Variants in OLA1 observed in about 807,000 individuals in gnomAD.
OLA1 encodes the protein Obg like ATPase 1, also known as obg-like ATPase 1.
OLA1 carries 14 observed loss-of-function variants against 48.4 expected under a neutral mutation model. The ratio of observed to expected loss-of-function variants is 0.29; its 90% CI spans 0.19 to 0.45. The LOEUF is 0.45. Ranked by LOEUF, OLA1 falls within the 20% of genes least tolerant of loss-of-function variation. The pLI, the probability that OLA1 is intolerant of heterozygous loss-of-function variation, is 1.00. For missense variants in OLA1, 325 were observed against 467.1 expected (o/e 0.70, Z 2.80); for synonymous variants, 127 against 150.4 (o/e 0.84, Z 1.14).
chr2:174,247,015 G>A, intron 1 of OLA1, 200 bp from the exon 2 acceptor site: 1 of 363,368 alleles, frequency 2.8e-6, no homozygotes, highest in East Asian at 4.4e-5. Context: ...CATATCCGTT[G>A]TCAAAAGAGT....
intron 4 of OLA1, among the ~76,000 whole-genome samples, chr2:174,183,118 T>A (rs1687584250): frequency 1.3e-5 from 2 of 152,008 alleles, no homozygotes; most frequent in Admixed American, 1.3e-4. Context: ...GCAAAAAAAA[T>A]GGTCAATCTT....
intron 4 of OLA1, chr2:174,172,089 G>T: frequency 4.7e-6 from 1 of 213,718 alleles, no homozygotes; most frequent in Middle Eastern, 5.9e-4. Context: ...ATGACACCAA[G>T]TGAGATGTAT....
At chr2:174,235,346 A>C (rs1688823440) in intron 2 of OLA1, among the ~76,000 whole-genome samples, 1 of 152,180 alleles carries the variant, frequency 6.6e-6, no homozygotes. Context: ...ATGAAAGAAC[A>C]GGCATTCTGG....
chr2:174,204,120 G>C (rs974278482), intron 4 of OLA1, among the ~76,000 whole-genome samples: 1 of 150,360 alleles, frequency 6.7e-6, no homozygotes, highest in African/African-American at 2.4e-5. Flanking sequence ...AGCAAATTTA[G>C]TCCAGGCGCA....
chr2:174,188,952 C>G (rs574382477), intron 4 of OLA1, among the ~76,000 whole-genome samples: 2 of 152,006 alleles, frequency 1.3e-5, no homozygotes, highest in African/African-American at 4.8e-5. Flanking sequence ...GAGATATTCA[C>G]CTTATATTAC....
At chr2:174,234,880 G>A (rs1178300253) in intron 2 of OLA1, among the ~76,000 whole-genome samples, 4 of 152,080 alleles carry the variant, frequency 2.6e-5, no homozygotes, top group Admixed American at 1.3e-4. Context: ...AAAACTAGGC[G>A]GGGCATGGTA....
intron 7 of OLA1, among the ~76,000 whole-genome samples, chr2:174,118,074 G>A (rs1685825901): frequency 6.6e-6 from 1 of 152,150 alleles, no homozygotes; most frequent in Non-Finnish European, 1.5e-5. Flanking sequence ...GCCGGAGAAG[G>A]AGGAAGAGAG....
chr2:174,096,221 G>C (rs1001850419), intron 7 of OLA1, among the ~76,000 whole-genome samples: 1 of 152,202 alleles, frequency 6.6e-6, no homozygotes, highest in African/African-American at 2.4e-5. Flanking sequence ...AGCCTCAATA[G>C]GCAAATCCAA....
At chr2:174,226,125 G>A (rs1164989342) in intron 3 of OLA1, among the ~76,000 whole-genome samples, 3 of 45,206 alleles carry the variant, frequency 6.6e-5, no homozygotes, top group Non-Finnish European at 1.4e-4. Context: ...CGTGAACCCG[G>A]GAGGCGGAGC....
At chr2:174,120,726 A>G (rs1232455957) in intron 7 of OLA1, among the ~76,000 whole-genome samples, 1 of 152,162 alleles carries the variant, frequency 6.6e-6, no homozygotes, top group Non-Finnish European at 1.5e-5. Context: ...ATAACACATT[A>G]CCATTTACAT....
chr2:174,204,519 T>C (rs901273281), intron 4 of OLA1, among the ~76,000 whole-genome samples: 1 of 152,140 alleles, frequency 6.6e-6, no homozygotes, highest in Non-Finnish European at 1.5e-5. Flanking sequence ...ATAAATACTT[T>C]GTAAGGAAAA....
intron 4 of OLA1, among the ~76,000 whole-genome samples, chr2:174,200,585 C>T (rs1196584752): frequency 6.6e-6 from 1 of 152,032 alleles, no homozygotes; most frequent in East Asian, 1.9e-4. Flanking sequence ...AAGAGATTCC[C>T]CTGGAACAAC....
At chr2:174,119,693 A>T (rs1685866088) in intron 7 of OLA1, among the ~76,000 whole-genome samples, 2 of 152,144 alleles carry the variant, frequency 1.3e-5, no homozygotes, top group Non-Finnish European at 2.9e-5. Flanking sequence ...GAACACATAA[A>T]GATGGGAAAG....
intron 4 of OLA1, among the ~76,000 whole-genome samples, chr2:174,208,359 T>C (rs1271253667): frequency 1.3e-5 from 2 of 152,076 alleles, no homozygotes; most frequent in Admixed American, 6.6e-5. Context: ...CTCAACTTCT[T>C]TGCCCCAAAA....
At chr2:174,084,924 G>A (rs1252562787) in intron 7 of OLA1, among the ~76,000 whole-genome samples, 1 of 152,190 alleles carries the variant, frequency 6.6e-6, no homozygotes, top group Non-Finnish European at 1.5e-5. Flanking sequence ...AAATTATATG[G>A]TGGGTGGGAG....
At chr2:174,190,825 A>G (rs1687756684) in intron 4 of OLA1, among the ~76,000 whole-genome samples, 1 of 151,496 alleles carries the variant, frequency 6.6e-6, no homozygotes, top group Non-Finnish European at 1.5e-5. Context: ...AATTCTGAAA[A>G]CTTCTTACAT....
At position 174,229,456 on chromosome 2, in the gene OLA1, A is replaced by G. The variant is rs543370037; in HGVS notation, c.102-5T>C. ...ACATTGAAGAAAGTAGATTTCCTAA[A>G]ACAAATAAAAGCAATTTCAATCAAT... On this transcript the variant is annotated splice_polypyrimidine_tract_variant and splice_region_variant and intron_variant, in intron 2 of 10. Transcript: ENST00000284719. The G allele has an allele frequency of 2.5e-6, 4 of 1,602,026 alleles. No homozygotes were observed. The Admixed American group carries it at 5.3e-5, about 21-fold the overall frequency.
At chr2:174,115,375 A>G (rs1167841364) in intron 7 of OLA1, among the ~76,000 whole-genome samples, 1 of 152,252 alleles carries the variant, frequency 6.6e-6, no homozygotes, top group Non-Finnish European at 1.5e-5. Flanking sequence ...AATTTGAAAT[A>G]AATTGCAATT....
At chr2:174,241,426 T>G (rs1175640401) in intron 2 of OLA1, among the ~76,000 whole-genome samples, 3 of 152,206 alleles carry the variant, frequency 2.0e-5, no homozygotes, top group Non-Finnish European at 4.4e-5. Flanking sequence ...TTCTACAACC[T>G]TTTCCCTCAG....
Sources: gnomAD v4.1 joint callset for allele counts (sites outside exome capture counted in the v4.1 genomes callset) on GRCh38, gnomAD v4.1.1 for gene constraint, MANE v1.5 for transcripts, NCBI Gene and HGNC (gene_info 2026-07-23, HGNC 2026-07-21) for gene names.